The following DCC variants were observed in gnomAD, a reference collection of about 807,000 sequenced individuals.
The protein encoded by DCC is DCC netrin 1 receptor, also known as netrin receptor DCC.
Under a neutral mutation model 172.5 loss-of-function variants are expected in DCC, and 58 were observed. The ratio of observed to expected loss-of-function variants is 0.34; its 90% CI spans 0.27 to 0.42. DCC has a LOEUF of 0.42. Ranked by LOEUF, DCC falls within the 10% of genes least tolerant of loss-of-function variation. The pLI, the probability that DCC is intolerant of heterozygous loss-of-function variation, is 1.00. For synonymous variants in DCC, 709 were observed against 644.5 expected, an observed-to-expected ratio of 1.10 and a Z score of -1.52; for missense variants, 1,740 against 1,791.0, an observed-to-expected ratio of 0.97 and a Z score of 0.51.
intron 5 of DCC, among the ~76,000 whole-genome samples, chr18:53,026,192 T>C (rs1407083022): frequency 6.6e-6 from 1 of 152,140 alleles, no homozygotes; most frequent in Admixed American, 6.5e-5. Context: ...TAATTATCTT[T>C]ATTTTAATGT....
At chr18:53,034,077 C>G (rs1351651220) in intron 5 of DCC, among the ~76,000 whole-genome samples, 1 of 151,982 alleles carries the variant, frequency 6.6e-6, no homozygotes, top group Non-Finnish European at 1.5e-5. Context: ...TCTCACTTCT[C>G]TTCTCTCTTT....
chr18:52,710,381 TTAAAA>T (rs2036275094), intron 1 of DCC, among the ~76,000 whole-genome samples: 3 of 152,142 alleles, frequency 2.0e-5, no homozygotes, highest in Admixed American at 2.0e-4. Context: ...TAAAAACAAA[TTAAAA>T]TAAGATAAAA....
At chr18:52,799,933 T>G (rs1031022565) in intron 2 of DCC, among the ~76,000 whole-genome samples, 9 of 152,360 alleles carry the variant, frequency 5.9e-5, no homozygotes, top group African/African-American at 1.9e-4. Flanking sequence ...CATCATTTTT[T>G]CCACTTGACG....
intron 25 of DCC, among the ~76,000 whole-genome samples, chr18:53,478,110 T>C (rs928726479): frequency 3.9e-5 from 6 of 152,270 alleles, no homozygotes; most frequent in Non-Finnish European, 8.8e-5. Flanking sequence ...GGATACAGAA[T>C]TGGGGCAAGG....
In DCC at chr18:53,450,637, C is replaced by G; in HGVS notation, c.3367C>G (p.Arg1123Gly). ...GGTCATCGTGGCTGTGATTTGCACC[C>G]GACGCTCTTCAGCCCAGCAGAGAAA... The part of the protein sequence containing the change: ...VVVIVAVICT[R>G]RSSAQQRKKR... The change falls in exon 23 of 29, where the codon CGA (arginine) becomes GGA (glycine). Residue 1123 changes from arginine to glycine, a missense_variant. By Grantham distance (125) the Arg-to-Gly change is moderately radical. Coordinates refer to ENST00000442544, the MANE Select transcript of DCC (RefSeq NM_005215.4). The G allele has an allele frequency of 6.2e-7, 1 of 1,613,680 alleles. No individual in the cohort carries two copies. Among genetic ancestry groups the G allele is most frequent in the Non-Finnish European group, 8.5e-7 (1 of 1,179,674 alleles).
At chr18:52,805,479 G>T (rs1414194987) in intron 2 of DCC, among the ~76,000 whole-genome samples, 1 of 152,178 alleles carries the variant, frequency 6.6e-6, no homozygotes, top group Non-Finnish European at 1.5e-5. Flanking sequence ...AGAGACGAAT[G>T]GAGAAGGTAG....
At chr18:53,458,589 G>A (rs2045511521) in intron 23 of DCC, among the ~76,000 whole-genome samples, 1 of 152,188 alleles carries the variant, frequency 6.6e-6, no homozygotes. Context: ...AGGCAAATAA[G>A]AAACATGTGA....
At chr18:52,464,842 C>G (rs1402751208) in intron 1 of DCC, among the ~76,000 whole-genome samples, 1 of 151,984 alleles carries the variant, frequency 6.6e-6, no homozygotes, top group Non-Finnish European at 1.5e-5. Context: ...AACAGAAAAC[C>G]TGCCTGTGCC....
At chr18:52,938,681 C>T (rs901026570) in intron 5 of DCC, among the ~76,000 whole-genome samples, 1 of 152,040 alleles carries the variant, frequency 6.6e-6, no homozygotes, top group African/African-American at 2.4e-5. Context: ...CATATGAAAA[C>T]TGTCAAAATA....
chr18:52,444,507 G>T (rs1406279915), intron 1 of DCC, among the ~76,000 whole-genome samples: 1 of 152,180 alleles, frequency 6.6e-6, no homozygotes, highest in Admixed American at 6.5e-5. Context: ...CACTGAGCTA[G>T]AAGGTCGAGA....
chr18:53,256,768 T>C (rs1307419390), intron 12 of DCC, among the ~76,000 whole-genome samples: 1 of 152,230 alleles, frequency 6.6e-6, no homozygotes, highest in African/African-American at 2.4e-5. Context: ...GGTAGCTTGA[T>C]GGAGATGGCA....
At chr18:53,192,410 A>G (rs963751146) in intron 9 of DCC, among the ~76,000 whole-genome samples, 8 of 152,254 alleles carry the variant, frequency 5.3e-5, no homozygotes, top group Admixed American at 1.3e-4. Context: ...TTGCTCAGAA[A>G]AAAAGTACTG....
At chr18:52,594,850 T>A (rs1413962358) in intron 1 of DCC, among the ~76,000 whole-genome samples, 1 of 152,162 alleles carries the variant, frequency 6.6e-6, no homozygotes, top group East Asian at 1.9e-4. Flanking sequence ...CCATGAGAGA[T>A]CTGCCCCCAT....
chr18:52,923,568 A>G, intron 3 of DCC, 139 bp from the exon 4 acceptor site: 1 of 713,548 alleles, frequency 1.4e-6, no homozygotes, highest in Non-Finnish European at 2.5e-6. Context: ...GATGAAAAAA[A>G]CTATTTTAGG....
At chr18:53,053,515 T>C (rs1480556293) in intron 5 of DCC, among the ~76,000 whole-genome samples, 3 of 152,204 alleles carry the variant, frequency 2.0e-5, no homozygotes, top group Non-Finnish European at 4.4e-5. Flanking sequence ...CATTCCCTCA[T>C]AGAAAATCTA....
intron 1 of DCC, among the ~76,000 whole-genome samples, chr18:52,384,776 AT>A (rs1212068399): frequency 6.6e-6 from 1 of 152,180 alleles, no homozygotes; most frequent in African/African-American, 2.4e-5. Context: ...CTAAAAGTAC[AT>A]ATTTGCATAG....
At chr18:53,256,509 G>A (rs2056517761) in intron 12 of DCC, among the ~76,000 whole-genome samples, 1 of 152,014 alleles carries the variant, frequency 6.6e-6, no homozygotes, top group Non-Finnish European at 1.5e-5. Context: ...GTTTGTCAAA[G>A]ATCAGATGGT....
chr18:53,173,744 C>T (rs1251574286), intron 8 of DCC, among the ~76,000 whole-genome samples: 46 of 146,504 alleles, frequency 3.1e-4, no homozygotes, highest in African/African-American at 1.0e-3. Flanking sequence ...ACTTTAACAC[C>T]CCACTGTCAA....
At chr18:52,783,668 A>G (rs969248107) in intron 2 of DCC, among the ~76,000 whole-genome samples, 4 of 151,936 alleles carry the variant, frequency 2.6e-5, no homozygotes, top group African/African-American at 9.7e-5. Context: ...ACTTCACTGT[A>G]TATACAAGTG....
Sources: gnomAD v4.1 joint callset for allele counts (sites outside exome capture counted in the v4.1 genomes callset) on GRCh38, gnomAD v4.1.1 for gene constraint, MANE v1.5 for transcripts, NCBI Gene and HGNC (gene_info 2026-07-23, HGNC 2026-07-21) for gene names.